The following NELFB variants were observed in gnomAD, a reference collection of about 807,000 sequenced individuals.
NELFB encodes the protein negative elongation factor complex member B, also known as negative elongation factor B.
NELFB carries 34 observed loss-of-function variants against 60.2 expected under a neutral mutation model. The ratio of observed to expected loss-of-function variants is 0.56; its 90% confidence interval spans 0.43 to 0.75. The LOEUF is 0.75. NELFB is among the 30% of genes least tolerant of loss of function. The probability of loss-of-function intolerance (pLI) is 0.00; values close to 1 mark genes in which losing one functional copy is unlikely to be tolerated. For missense variants in NELFB, 770 were observed against 831.6 expected (o/e 0.93, Z 0.91); for synonymous variants, 459 against 382.1 (o/e 1.20, Z -2.35).
chr9:137,263,763 C>T (rs966667116), intron 5 of NELFB, among the ~76,000 whole-genome samples: 2 of 152,050 alleles, frequency 1.3e-5, no homozygotes, highest in Non-Finnish European at 2.9e-5. Flanking sequence ...GGCTGTATGA[C>T]CTACGGGCTG....
intron 10 of NELFB, 144 bp downstream of exon 10, chr9:137,267,490 CTTT>C (rs1174937800): frequency 0.017 from 7,501 of 430,558 alleles, no homozygotes; most frequent in East Asian, 0.022. Context: ...TTGTTTTCAC[CTTT>C]TTTTTTTTTT....
chr9:137,257,823 T>A (rs1837580580), intron 4 of NELFB, among the ~76,000 whole-genome samples: 2 of 124,874 alleles, frequency 1.6e-5, no homozygotes, highest in Admixed American at 1.7e-4. Context: ...TTTTTCTTTT[T>A]TAAGAGACAG....
chr9:137,255,728 G>C (rs1299935269), intron 1 of NELFB, 117 bp downstream of exon 1: 2 of 1,427,914 alleles, frequency 1.4e-6, no homozygotes, highest in Non-Finnish European at 1.9e-6. Flanking sequence ...GCTGAGTCCT[G>C]TTCTGGGGGT....
In NELFB at chr9:137,272,565, G is replaced by T. The variant is rs1230507127; in HGVS notation, c.1690G>T (p.Ala564Ser). The T allele has an allele frequency of 1.9e-6, 3 of 1,611,712 alleles. No homozygotes were observed. In the African/African-American group the frequency reaches 4.0e-5, roughly 22 times the overall value. The change falls in exon 12 of 13, where the codon GCC becomes TCC. Residue 564 changes from alanine to serine, a missense_variant. Coordinates refer to ENST00000343053, the MANE Select transcript of NELFB (RefSeq NM_015456.5). ...CCTCATTCACCTGCACCCCAGGGTGGCCCCGTCTAAGCTGGAGGCGTTGCA... is the reference window on the plus strand; with the variant it reads ...CCTCATTCACCTGCACCCCAGGGTGTCCCCGTCTAAGCTGGAGGCGTTGCA...
intron 10 of NELFB, among the ~76,000 whole-genome samples, chr9:137,271,140 G>T (rs1037488735): frequency 2.6e-5 from 4 of 152,242 alleles, no homozygotes; most frequent in South Asian, 2.1e-4. Context: ...CAGGGCATTT[G>T]CCCAGTGGGG....
At chr9:137,270,110 G>GTGCTGTAAA (rs1830564980) in intron 10 of NELFB, among the ~76,000 whole-genome samples, 2 of 152,270 alleles carry the variant, frequency 1.3e-5, no homozygotes, top group South Asian at 4.2e-4. Flanking sequence ...TCAGCACGAT[G>GTGCTGTAAA]TCTGGGTGTA....
intron 4 of NELFB, among the ~76,000 whole-genome samples, chr9:137,261,893 A>AGT (rs1453358940): frequency 6.6e-6 from 1 of 151,958 alleles, no homozygotes; most frequent in African/African-American, 2.4e-5. Context: ...CAGGGTAAAG[A>AGT]GTGTGAGCCA....
chr9:137,260,307 C>T (rs11497276), intron 4 of NELFB, among the ~76,000 whole-genome samples: 103,676 of 150,994 alleles, frequency 0.69, 36,231 homozygotes, highest in Admixed American at 0.77. Context: ...GCCTCGGCCT[C>T]CCAAAGTGCT....
In NELFB at chr9:137,269,081, G is replaced by A. The variant is rs550402746; in HGVS notation, c.1489+1735G>A. Reference sequence around the variant, plus strand: ...TTTCCGATGGTGAACTTGGGGACACGTCCACACCACAGCACGTGCCTATTG... The same window carrying A: ...TTTCCGATGGTGAACTTGGGGACACATCCACACCACAGCACGTGCCTATTG... On this transcript the variant is annotated intron_variant, in intron 10 of 12. Coordinates refer to ENST00000343053, the MANE Select transcript of NELFB (RefSeq NM_015456.5). This position sits in a 1 kb window ranked among gnomAD's most constrained non-coding sequence, Gnocchi z 5.3. Among the ~76,000 whole-genome samples the A allele has an allele frequency of 5.1e-4, 78 of 152,038 alleles. No individual in the cohort carries two copies. Among genetic ancestry groups the A allele is most frequent in the African/African-American group, 1.9e-3 (77 of 41,480 alleles).
intron 3 of NELFB, 134 bp downstream of exon 3, chr9:137,256,562 C>T: frequency 1.2e-6 from 1 of 832,576 alleles, no homozygotes; most frequent in Non-Finnish European, 1.9e-6. Flanking sequence ...CCATGGTGAG[C>T]TCTGTGCTGA....
At chr9:137,262,886 C>G in intron 4 of NELFB, 151 bp from the exon 5 acceptor site, 1 of 724,794 alleles carries the variant, frequency 1.4e-6, no homozygotes, top group African/African-American at 1.8e-5. Flanking sequence ...AGACTGGGGG[C>G]CAATATTTAA....
chr9:137,268,453 G>T (rs562200043), intron 10 of NELFB, among the ~76,000 whole-genome samples: 28 of 152,230 alleles, frequency 1.8e-4, no homozygotes, highest in Non-Finnish European at 3.4e-4. Flanking sequence ...GGGCATGGTG[G>T]TGGGTGCCTG....
chr9:137,256,281 C>T, intron 2 of NELFB, 48 bp from the exon 3 acceptor site: 2 of 1,565,784 alleles, frequency 1.3e-6, no homozygotes, highest in Non-Finnish European at 8.8e-7. Context: ...CAGGTAGCTG[C>T]TGCGATTTGG....
chr9:137,270,375 G>A (rs1830569642), intron 10 of NELFB, among the ~76,000 whole-genome samples: 1 of 151,334 alleles, frequency 6.6e-6, no homozygotes, highest in South Asian at 2.1e-4. Context: ...TGGATCACCT[G>A]AGGTCAGGAG....
At chr9:137,264,100 C>G in intron 5 of NELFB, 145 bp from the exon 6 acceptor site, 1 of 629,500 alleles carries the variant, frequency 1.6e-6, no homozygotes, top group Non-Finnish European at 2.8e-6. Flanking sequence ...GAACACTGCA[C>G]CGTCAGGATG....
Position 137,256,908 on chromosome 9 carries a change from C to T in NELFB, c.595C>T (p.Gln199Ter). The T allele has an allele frequency of 6.2e-7, 1 of 1,614,218 alleles. No homozygotes were observed. The highest frequency in any genetic ancestry group is 8.5e-7 in the Non-Finnish European group (1 of 1,180,044). Reference sequence around the variant, plus strand: ...CGTGGAGGTGAAGCGGCAGATCTGGCAAGACAACCAGGCCCTCTTCGGGGA... The same window carrying T: ...CGTGGAGGTGAAGCGGCAGATCTGGTAAGACAACCAGGCCCTCTTCGGGGA... The change falls in exon 4 of 13, where the codon CAA becomes TAA. Residue 199 changes from glutamine to a stop codon, truncating the protein, a stop_gained. Transcript: ENST00000343053. LOFTEE classifies it high-confidence loss of function.
At position 137,261,526 on chromosome 9, in the gene NELFB, C is replaced by T. The variant is rs369299861; in HGVS notation, c.742-1511C>T. On this transcript the variant is annotated intron_variant, in intron 4 of 12. Coordinates refer to ENST00000343053, the MANE Select transcript of NELFB (RefSeq NM_015456.5). ...ACAAAAAATTAGCCAGTCATGGCAG[C>T]CGGCGCCTGTAATCCCAACTACTTG... 4.0e-5 allele frequency among the ~76,000 whole-genome samples: 6 copies of T among 151,358 alleles called. No homozygotes were observed. In the East Asian group the frequency reaches 9.7e-4, roughly 24 times the overall value.
intron 4 of NELFB, among the ~76,000 whole-genome samples, chr9:137,261,582 C>T (rs544303736): frequency 2.9e-4 from 44 of 149,702 alleles, no homozygotes; most frequent in African/African-American, 4.7e-4. Context: ...AGCTTGAATC[C>T]GGGAGGTGGA....
intron 12 of NELFB, 29 bp from the exon 13 acceptor site, chr9:137,272,753 C>T (rs577617898): frequency 3.2e-5 from 49 of 1,527,010 alleles, no homozygotes; most frequent in South Asian, 9.8e-5. Context: ...CCATGCGCCT[C>T]GCCTGCCCCA....
Sources: gnomAD v4.1 joint callset for allele counts (sites outside exome capture counted in the v4.1 genomes callset) on GRCh38, gnomAD v4.1.1 for gene constraint, Gnocchi (gnomAD v3.1) non-coding constraint, MANE v1.5 for transcripts, NCBI Gene and HGNC (gene_info 2026-07-23, HGNC 2026-07-21) for gene names.